The following SLC12A6 variants were observed in gnomAD, a reference collection of about 807,000 sequenced individuals.
The protein encoded by SLC12A6 is solute carrier family 12 member 6.
SLC12A6 carries 66 observed loss-of-function variants against 135.3 expected under a neutral mutation model. That is an observed-to-expected ratio of 0.49 (90% CI 0.40 to 0.60). SLC12A6 has a LOEUF of 0.60. Ranked by LOEUF, SLC12A6 falls within the 20% of genes least tolerant of loss-of-function variation. SLC12A6 has a pLI of 0.00. For missense variants in SLC12A6, 1,058 were observed against 1,452.3 expected (o/e 0.73, Z 4.41); for synonymous variants, 513 against 508.8 (o/e 1.01, Z -0.11).
chr15:34,334,006 A>G (rs35651862), intron 2 of SLC12A6, among the ~76,000 whole-genome samples: 20,496 of 150,790 alleles, frequency 0.14, 1,504 homozygotes, highest in South Asian at 0.2. Flanking sequence ...GGAGACAGAG[A>G]TTGCAGTGAG....
chr15:34,247,521 A>G (rs545301018), intron 13 of SLC12A6, among the ~76,000 whole-genome samples: 29 of 146,452 alleles, frequency 2.0e-4, no homozygotes, highest in East Asian at 1.6e-3. Context: ...CATCTAGGGG[A>G]AAAAAAAAAA....
At chr15:34,317,627 C>G (rs937386474) in intron 2 of SLC12A6, among the ~76,000 whole-genome samples, 4 of 152,076 alleles carry the variant, frequency 2.6e-5, no homozygotes, top group Admixed American at 2.0e-4. Flanking sequence ...CGCTTGAACT[C>G]GAGAGGCGGA....
rs145047870 is a variant in SLC12A6 at position 34,315,999 on chromosome 15, T to C, written c.271+20411A>G. ...TGTGACTCATTTTATTGCAGTGGTC[T>C]GGAACTGAGCCCACAATATTTCCAA... On this transcript the variant is annotated intron_variant, in intron 2 of 25. Coordinates refer to ENST00000354181, the MANE Select transcript of SLC12A6 (RefSeq NM_001365088.1). 3.9e-4 allele frequency among the ~76,000 whole-genome samples: 60 copies of C among 152,324 alleles called. 1 individual carries two copies. The East Asian group carries it at 0.01, about 25-fold the overall frequency.
intron 2 of SLC12A6, among the ~76,000 whole-genome samples, chr15:34,310,442 C>CGTGT (rs1566860398): frequency 7.8e-5 from 4 of 50,992 alleles, no homozygotes; most frequent in African/African-American, 3.7e-4. Flanking sequence ...TGTGTGTCCC[C>CGTGT]GTGTCCAGGC....
chr15:34,252,881 C>G (rs1892491836), intron 9 of SLC12A6, among the ~76,000 whole-genome samples: 1 of 152,176 alleles, frequency 6.6e-6, no homozygotes, highest in Non-Finnish European at 1.5e-5. Flanking sequence ...ACATTCATAA[C>G]AAACACCTTG....
At chr15:34,331,691 G>C (rs1169258418) in intron 2 of SLC12A6, among the ~76,000 whole-genome samples, 2 of 152,028 alleles carry the variant, frequency 1.3e-5, no homozygotes, top group African/African-American at 2.4e-5. Flanking sequence ...AGTTGAGAAA[G>C]ATAATATGTA....
intron 13 of SLC12A6, among the ~76,000 whole-genome samples, chr15:34,249,710 A>C (rs1056826954): frequency 1.3e-5 from 2 of 152,150 alleles, no homozygotes; most frequent in Admixed American, 6.5e-5. Flanking sequence ...TTGAAATTTT[A>C]TTTACTTGCC....
At chr15:34,240,955 G>C (rs1891603441) in intron 18 of SLC12A6, 126 bp from the exon 19 acceptor site, 1 of 771,720 alleles carries the variant, frequency 1.3e-6, no homozygotes, top group African/African-American at 1.7e-5. Context: ...AGAAGGAAGA[G>C]ATCACAGGAG....
intron 14 of SLC12A6, 133 bp downstream of exon 14, chr15:34,245,560 G>T: frequency 1.1e-6 from 1 of 928,486 alleles, no homozygotes; most frequent in Non-Finnish European, 1.8e-6. Flanking sequence ...TCATGCTTGG[G>T]ATTTAGAGGT....
intron 5 of SLC12A6, among the ~76,000 whole-genome samples, chr15:34,258,000 C>T (rs1892868208): frequency 4.1e-5 from 1 of 24,504 alleles, no homozygotes; most frequent in African/African-American, 4.6e-5. Context: ...TATATTTTAA[C>T]TTTACAAAGG....
chr15:34,325,241 C>G (rs1385192576), intron 2 of SLC12A6, among the ~76,000 whole-genome samples: 2 of 152,104 alleles, frequency 1.3e-5, no homozygotes, highest in African/African-American at 4.8e-5. Context: ...ACACATTTTC[C>G]TTATTTATCA....
intron 2 of SLC12A6, among the ~76,000 whole-genome samples, chr15:34,320,065 C>A (rs1393172216): frequency 1.3e-5 from 2 of 152,156 alleles, no homozygotes; most frequent in Admixed American, 6.5e-5. Context: ...AAATTGAGCC[C>A]TGTGTAATGT....
Position 34,276,171 on chromosome 15 carries a change from T to G in SLC12A6, c.272-782A>C, listed in dbSNP as rs145532222. 3.0e-3 allele frequency among the ~76,000 whole-genome samples: 463 copies of G among 152,282 alleles called. 3 individuals are homozygous for G. Among genetic ancestry groups the G allele is most frequent in the African/African-American group, 0.011 (449 of 41,556 alleles). ...ATTAAAAAAATAATAATCACACAAATTTGACCAAGCAGTCGTTTCATAAAG... is the reference window on the plus strand; with the variant it reads ...ATTAAAAAAATAATAATCACACAAAGTTGACCAAGCAGTCGTTTCATAAAG... On this transcript the variant is annotated intron_variant, in intron 2 of 25. Coordinates refer to ENST00000354181, the MANE Select transcript of SLC12A6 (RefSeq NM_001365088.1).
chr15:34,269,319 A>G (rs1240926893), intron 3 of SLC12A6, among the ~76,000 whole-genome samples: 2 of 152,046 alleles, frequency 1.3e-5, no homozygotes, highest in African/African-American at 4.8e-5. Context: ...TTTTGTAAAC[A>G]GAAAAAAGGT....
chr15:34,282,080 T>C (rs913723488), intron 2 of SLC12A6, among the ~76,000 whole-genome samples: 4 of 152,166 alleles, frequency 2.6e-5, no homozygotes, highest in Non-Finnish European at 5.9e-5. Context: ...CAGTTAACCA[T>C]GAACAGAATA....
At chr15:34,290,762 T>A (rs1004501927) in intron 2 of SLC12A6, among the ~76,000 whole-genome samples, 2 of 152,252 alleles carry the variant, frequency 1.3e-5, no homozygotes, top group Non-Finnish European at 2.9e-5. Flanking sequence ...GTTTAAAGTC[T>A]GTTTTATCAA....
At chr15:34,271,602 TACACACAC>T (rs10588100) in intron 3 of SLC12A6, among the ~76,000 whole-genome samples, 5 of 148,826 alleles carry the variant, frequency 3.4e-5, no homozygotes, top group Admixed American at 2.7e-4. Flanking sequence ...AGTGCAAAGC[TACACACAC>T]ACACACACAC....
chr15:34,236,933 A>G, intron 22 of SLC12A6, 118 bp from the exon 23 acceptor site: 1 of 709,494 alleles, frequency 1.4e-6, no homozygotes, highest in Non-Finnish European at 2.6e-6. Context: ...TATTAACCTA[A>G]GCTTCACCCT....
intron 3 of SLC12A6, among the ~76,000 whole-genome samples, chr15:34,268,629 GTCACT>G (rs1893685822): frequency 1.3e-5 from 2 of 152,110 alleles, no homozygotes; most frequent in Admixed American, 1.3e-4. Flanking sequence ...AAAAGTTTAG[GTCACT>G]GTTGTGACCC....
Sources: gnomAD v4.1 joint callset for allele counts (sites outside exome capture counted in the v4.1 genomes callset) on GRCh38, gnomAD v4.1.1 for gene constraint, MANE v1.5 for transcripts, NCBI Gene and HGNC (gene_info 2026-07-23, HGNC 2026-07-21) for gene names.